Variants in OR1J2 observed in about 807,000 individuals in gnomAD.
OR1J2 encodes the protein olfactory receptor 1J2.
For synonymous variants in OR1J2, 142 were observed against 99.7 expected (o/e 1.42, Z -2.52); for missense variants, 304 against 246.1 (o/e 1.24, Z -1.57).
At chr9:122,526,652 G>A in the OR1J2 span, 27 of 1,614,042 alleles carry the variant, frequency 1.7e-5, no homozygotes, top group Admixed American at 6.7e-5. Flanking sequence ...GGATGTAGGA[G>A]GTGACAATGC....
chr9:122,526,433 G>A, the OR1J2 span: 9 of 1,528,852 alleles, frequency 5.9e-6, no homozygotes, highest in Non-Finnish European at 7.9e-6. Flanking sequence ...TTAGGCTATA[G>A]ATAAAGGGGT....
the OR1J2 span, among the ~76,000 whole-genome samples, chr9:122,534,903 A>C: frequency 6.6e-6 from 1 of 152,140 alleles, no homozygotes; most frequent in East Asian, 1.9e-4. Flanking sequence ...GAAAAAGTGA[A>C]AGTGCCATTT....
the OR1J2 span, among the ~76,000 whole-genome samples, chr9:122,532,594 G>A: frequency 2.1e-5 from 3 of 144,582 alleles, 1 homozygote; most frequent in African/African-American, 7.9e-5. Context: ...AAGGAGCTGC[G>A]GAGCAGACTG....
chr9:122,563,834 T>A, the OR1J2 span, among the ~76,000 whole-genome samples: 1 of 151,708 alleles, frequency 6.6e-6, no homozygotes, highest in East Asian at 1.9e-4. Context: ...CATACACATA[T>A]TCAGTTTTTA....
rs1404720499 is a variant in OR1J2 at position 122,511,501 on chromosome 9, A to G, written c.700A>G (p.Ile234Val). The change falls in exon 1 of 1, where the codon ATC (isoleucine) becomes GTC (valine). Residue 234 changes from isoleucine to valine, a missense_variant. Physicochemically the swap from Ile to Val is conservative, Grantham distance 29 (BLOSUM62 3). Transcript: ENST00000335302. ...CCTGAGGGTCCCTTCAACCAAAGGG[A>G]TCCACAAAGCATTGTCCACATGTGG... ...TILRVPSTKGIHKALSTCGSH... is the reference protein window; with the variant it reads ...TILRVPSTKGVHKALSTCGSH... The G allele has an allele frequency of 2.6e-6, 2 of 780,856 alleles. No homozygotes were observed. Among genetic ancestry groups the G allele is most frequent in the East Asian group, 2.4e-5 (1 of 41,266 alleles). The allele number at this position is 780,856 out of a possible 1,614,324, so 48.4% of individuals were successfully genotyped here.
the OR1J2 span, among the ~76,000 whole-genome samples, chr9:122,552,749 AGTGTGTGTGTGTGTGTGT>A: frequency 1.1e-4 from 14 of 129,660 alleles, no homozygotes; most frequent in African/African-American, 3.0e-4. Flanking sequence ...AGAGGGCTTG[AGTGTGTGTGTGTGTGTGT>A]GTGTGTGTGT....
the OR1J2 span, among the ~76,000 whole-genome samples, chr9:122,570,380 T>C: frequency 3.9e-5 from 6 of 152,260 alleles, no homozygotes; most frequent in African/African-American, 1.4e-4. Flanking sequence ...CTTTTACACA[T>C]TGTGAATGGG....
the OR1J2 span, among the ~76,000 whole-genome samples, chr9:122,537,574 G>T: frequency 1.3e-5 from 2 of 151,946 alleles, no homozygotes; most frequent in Admixed American, 1.3e-4. Flanking sequence ...TTCTAATTTT[G>T]TGAAAAATGA....
the OR1J2 span, among the ~76,000 whole-genome samples, chr9:122,569,921 T>C: frequency 1.3e-5 from 2 of 149,430 alleles, no homozygotes; most frequent in African/African-American, 2.5e-5. Flanking sequence ...TGAGTGAGAA[T>C]ATGCGGTGTT....
chr9:122,565,190 G>A, the OR1J2 span, among the ~76,000 whole-genome samples: 1 of 152,148 alleles, frequency 6.6e-6, no homozygotes, highest in African/African-American at 2.4e-5. Flanking sequence ...ACACATTCTG[G>A]GTGATCAGGG....
At chr9:122,575,836 A>G in the OR1J2 span, among the ~76,000 whole-genome samples, 1 of 152,160 alleles carries the variant, frequency 6.6e-6, no homozygotes, top group South Asian at 2.1e-4. Context: ...TGTACATTAG[A>G]TCTCTAGACT....
At chr9:122,474,287 C>T in the OR1J2 span, among the ~76,000 whole-genome samples, 1 of 152,180 alleles carries the variant, frequency 6.6e-6, no homozygotes, top group African/African-American at 2.4e-5. Flanking sequence ...GCCTATGGAA[C>T]AGACAAAATT....
At chr9:122,560,991 A>G in the OR1J2 span, among the ~76,000 whole-genome samples, 3 of 152,124 alleles carry the variant, frequency 2.0e-5, no homozygotes, top group African/African-American at 7.2e-5. Context: ...GCCTTTTTAC[A>G]TAGTCCCATA....
At chr9:122,475,890 C>G in the OR1J2 span, 1 of 152,194 alleles carries the variant, frequency 6.6e-6, no homozygotes, top group Non-Finnish European at 1.5e-5. Flanking sequence ...CTCTTCAAAC[C>G]CACACAGTGT....
chr9:122,523,870 C>T, the OR1J2 span, among the ~76,000 whole-genome samples: 151 of 152,306 alleles, frequency 9.9e-4, no homozygotes, highest in Middle Eastern at 0.01. Flanking sequence ...TATCATGCTA[C>T]CTCTCTCCAT....
chr9:122,466,516 G>A, the OR1J2 span, among the ~76,000 whole-genome samples: 2 of 152,092 alleles, frequency 1.3e-5, no homozygotes, highest in African/African-American at 2.4e-5. Context: ...GGTTAATCTG[G>A]CAAATCACCT....
chr9:122,460,721 A>G, the OR1J2 span, among the ~76,000 whole-genome samples: 8 of 152,208 alleles, frequency 5.3e-5, no homozygotes, highest in South Asian at 1.0e-3. Context: ...CATTTTCACA[A>G]TATTGATTCT....
the OR1J2 span, chr9:122,553,636 A>T: frequency 6.2e-7 from 1 of 1,614,044 alleles, no homozygotes; most frequent in South Asian, 1.1e-5. Flanking sequence ...ATGAGTCCCC[A>T]GCTCTGTGCA....
At chr9:122,526,541 C>T in the OR1J2 span, 1 of 1,609,882 alleles carries the variant, frequency 6.2e-7, no homozygotes, top group East Asian at 2.2e-5. Flanking sequence ...TGAAGAGGGT[C>T]CCATAGAACA....
Sources: allele counts gnomAD v4.1 joint callset (sites outside exome capture counted in the v4.1 genomes callset), GRCh38; gene constraint gnomAD v4.1.1; transcripts MANE v1.5; gene names NCBI Gene and HGNC (gene_info 2026-07-23, HGNC 2026-07-21).